NUP210L: variants seen among roughly 807,000 people sequenced by gnomAD.
NUP210L encodes nucleoporin 210 like.
In NUP210L, 74 loss-of-function variants were observed where a neutral mutation model predicts 208.5. The observed-to-expected ratio is 0.35, with a 90% CI of 0.29 to 0.43. NUP210L has a LOEUF of 0.43. Among genes scored for constraint, NUP210L ranks in the 20% least tolerant of loss-of-function variants. The pLI is 1.00. For missense variants in NUP210L, 1,843 were observed against 2,289.4 expected, an observed-to-expected ratio of 0.81 and a Z score of 3.98; for synonymous variants, 780 against 816.9, an observed-to-expected ratio of 0.95 and a Z score of 0.77.
chr1:154,139,891 C>T (rs1037871791), exon 5 of NUP210L: 1 of 1,612,334 alleles, frequency 6.2e-7, no homozygotes, highest in Non-Finnish European at 8.5e-7. Flanking sequence ...TGTTTCTCCT[C>T]TTTTTCCATC....
intron 2 of NUP210L, among the ~76,000 whole-genome samples, chr1:154,150,632 G>A (rs1199413075): frequency 2.7e-5 from 4 of 150,044 alleles, no homozygotes; most frequent in Non-Finnish European, 5.9e-5. Flanking sequence ...GGAGGCTGAG[G>A]CAGGAGAATT....
chr1:154,076,530 A>C (rs1459673304), intron 16 of NUP210L, among the ~76,000 whole-genome samples: 2 of 152,252 alleles, frequency 1.3e-5, no homozygotes, highest in Non-Finnish European at 2.9e-5. Flanking sequence ...ATAACAAAAA[A>C]GAACCAAAAA....
exon 37 of NUP210L, chr1:154,000,921 G>C: frequency 6.2e-7 from 1 of 1,614,120 alleles, no homozygotes; most frequent in Non-Finnish European, 8.5e-7. Flanking sequence ...GAGTACACAG[G>C]AAATATTGAT....
rs745385190 is a variant in NUP210L at position 154,152,833 on chromosome 1, T to C, written c.243A>G (p.Leu81=). Residue 81 remains leucine (L), a synonymous_variant, in exon 2 of 40, where the codon TTA becomes TTG. Coordinates refer to ENST00000368559, the Ensembl canonical transcript of NUP210L. ...GGGAACACAAGGTGCCATTTTCATA[T>C]AAAGGCTCAACAGTAACTGCATCAT... 33 of 1,613,982 alleles carry C rather than the reference T, an allele frequency of 2.0e-5. No individual in the cohort carries two copies. The South Asian group carries it at 3.3e-4, about 16-fold the overall frequency.
chr1:154,129,351 T>G lies in NUP210L; in HGVS notation c.1010-6A>C, dbSNP rs2093451163. On this transcript the variant is annotated splice_polypyrimidine_tract_variant and splice_region_variant and intron_variant, in intron 7 of 39. Transcript: ENST00000368559. ...CACAGATCGCATATGAACATCTTAA[T>G]TTTTGCTTAAGGAAATCATGTGAGC... 2 of 1,601,936 alleles carry G rather than the reference T, an allele frequency of 1.2e-6. No individual in the cohort carries two copies.
chr1:154,125,844 T>C (rs1571304740), intron 10 of NUP210L, among the ~76,000 whole-genome samples: 1 of 125,460 alleles, frequency 8.0e-6, no homozygotes, highest in African/African-American at 2.9e-5. Context: ...CTCGGCTCAC[T>C]GCAAGCTCCG....
intron 28 of NUP210L, among the ~76,000 whole-genome samples, chr1:154,029,164 G>A (rs1340874517): frequency 6.9e-6 from 1 of 144,938 alleles, no homozygotes; most frequent in Admixed American, 7.0e-5. Flanking sequence ...AGATCACGAG[G>A]TCAGGAGATC....
exon 25 of NUP210L, chr1:154,054,240 A>G: frequency 6.2e-7 from 1 of 1,614,164 alleles, no homozygotes; most frequent in Non-Finnish European, 8.5e-7. Context: ...GAGAAAACAC[A>G]ATGACTTTGC....
chr1:154,085,609 C>T (rs1039438418), intron 16 of NUP210L, among the ~76,000 whole-genome samples: 3 of 152,132 alleles, frequency 2.0e-5, no homozygotes, highest in Non-Finnish European at 4.4e-5. Context: ...TCTCTGCTGG[C>T]TTTGACAAGC....
intron 20 of NUP210L, among the ~76,000 whole-genome samples, chr1:154,059,889 T>TG (rs1183971057): frequency 6.6e-6 from 1 of 152,220 alleles, no homozygotes; most frequent in African/African-American, 2.4e-5. Flanking sequence ...TTTGGCATAC[T>TG]GACTATGGAG....
intron 27 of NUP210L, among the ~76,000 whole-genome samples, 173 bp downstream of exon 27, chr1:154,045,896 G>T (rs1643989445): frequency 6.6e-6 from 1 of 152,100 alleles, no homozygotes; most frequent in Non-Finnish European, 1.5e-5. Flanking sequence ...GAGGTGGGAG[G>T]ATCACTTTAG....
chr1:153,995,509 C>CT, intron 37 of NUP210L: 2 of 604,858 alleles, frequency 3.3e-6, no homozygotes, highest in East Asian at 3.0e-5. Flanking sequence ...ATACAACTCT[C>CT]TAATTCTTGA....
chr1:153,993,150 C>G, intron 38 of NUP210L, 61 bp from the exon 39 acceptor site: 1 of 1,107,886 alleles, frequency 9.0e-7, no homozygotes, highest in Admixed American at 2.1e-5. Context: ...AAGGCAAAGT[C>G]AACTCTAGAA....
At chr1:154,130,322 G>A (rs935303832) in intron 7 of NUP210L, among the ~76,000 whole-genome samples, 1 of 151,756 alleles carries the variant, frequency 6.6e-6, no homozygotes, top group African/African-American at 2.4e-5. Context: ...ACCCAGGCTA[G>A]AGTGCAACAG....
At chr1:154,011,714 A>C (rs1369417222) in intron 34 of NUP210L, among the ~76,000 whole-genome samples, 1 of 101,656 alleles carries the variant, frequency 9.8e-6, no homozygotes, top group African/African-American at 3.9e-5. Context: ...TTTGAGATGG[A>C]GTCTCACTCT....
At chr1:154,099,197 G>T (rs944450652) in intron 14 of NUP210L, among the ~76,000 whole-genome samples, 1 of 152,140 alleles carries the variant, frequency 6.6e-6, no homozygotes, top group Non-Finnish European at 1.5e-5. Flanking sequence ...AGCTGCAGTT[G>T]CATGGCAAGG....
chr1:154,005,798 A>G (rs996125160), intron 35 of NUP210L, among the ~76,000 whole-genome samples: 16 of 150,262 alleles, frequency 1.1e-4, no homozygotes, highest in African/African-American at 3.7e-4. Flanking sequence ...ATCTCAGCTC[A>G]CTGCAATCTC....
chr1:154,025,416 C>A (rs1240052553), intron 30 of NUP210L, 126 bp downstream of exon 30: 1,286 of 206,130 alleles, frequency 6.2e-3, no homozygotes, highest in Middle Eastern at 0.015. Flanking sequence ...TAATTCTTTT[C>A]TTTTTCTTTT....
intron 2 of NUP210L, among the ~76,000 whole-genome samples, chr1:154,149,453 C>A (rs1483553533): frequency 6.6e-6 from 1 of 152,170 alleles, no homozygotes; most frequent in Non-Finnish European, 1.5e-5. Flanking sequence ...ATGGCCCAAG[C>A]CTATAAGCTC....
Sources: gnomAD v4.1 joint callset for allele counts (sites outside exome capture counted in the v4.1 genomes callset) on GRCh38, gnomAD v4.1.1 for gene constraint, MANE v1.5 for transcripts, NCBI Gene and HGNC (gene_info 2026-07-23, HGNC 2026-07-21) for gene names.